Variants in SYNE1 observed in about 807,000 individuals in gnomAD.
SYNE1 encodes the protein nesprin-1.
In SYNE1, 616 loss-of-function variants were observed where a neutral mutation model predicts 1,111.0. That is an observed-to-expected ratio of 0.55 (90% CI 0.52 to 0.59). The LOEUF is 0.59. Ranked by LOEUF, SYNE1 falls within the 20% of genes least tolerant of loss-of-function variation. The pLI, the probability that SYNE1 is intolerant of heterozygous loss-of-function variation, is 0.00. For synonymous variants in SYNE1, 3,855 were observed against 3,825.8 expected (o/e 1.01, Z -0.28); for missense variants, 10,006 against 10,417.0 (o/e 0.96, Z 1.72).
chr6:152,149,071 GTATTTCTTCTAGAGGCTTCTCT>G (rs978645702), intron 136 of SYNE1, among the ~76,000 whole-genome samples: 7 of 152,094 alleles, frequency 4.6e-5, no homozygotes, highest in African/African-American at 9.7e-5. Flanking sequence ...TCCTTTTATT[GTATTTCTTCTAGAGGCTTCTCT>G]TATTTCTTCT....
At chr6:152,465,622 G>A (rs2098759886) in intron 17 of SYNE1, among the ~76,000 whole-genome samples, 162 bp from the exon 18 acceptor site, 1 of 151,962 alleles carries the variant, frequency 6.6e-6, no homozygotes, top group African/African-American at 2.4e-5. Flanking sequence ...GAAAACAAAT[G>A]TATTTTACAA....
intron 14 of SYNE1, among the ~76,000 whole-genome samples, chr6:152,482,670 T>C (rs543728020): frequency 6.6e-6 from 1 of 152,212 alleles, no homozygotes; most frequent in South Asian, 2.1e-4. Context: ...CTCCATTCCT[T>C]CTACCCCCAC....
chr6:152,405,405 A>G (rs2097882721), intron 45 of SYNE1, among the ~76,000 whole-genome samples: 2 of 152,242 alleles, frequency 1.3e-5, no homozygotes, highest in South Asian at 4.1e-4. Flanking sequence ...GTCACAGAAC[A>G]TGGAGTTGAA....
intron 51 of SYNE1, among the ~76,000 whole-genome samples, chr6:152,393,875 G>A (rs946386009): frequency 1.3e-5 from 2 of 152,158 alleles, no homozygotes; most frequent in Admixed American, 1.3e-4. Flanking sequence ...TGTGCAGAAT[G>A]TGCAGGTTTG....
chr6:152,540,057 T>C (rs755493211), intron 3 of SYNE1, 36 bp from the exon 4 acceptor site: 2 of 1,595,554 alleles, frequency 1.3e-6, no homozygotes, highest in South Asian at 1.1e-5. Context: ...AATAATGTAA[T>C]ATTTCATGAA....
At chr6:152,255,568 C>CA in intron 103 of SYNE1, 23 bp downstream of exon 103, 3 of 1,613,346 alleles carry the variant, frequency 1.9e-6, no homozygotes, top group Non-Finnish European at 2.5e-6. Context: ...TATACACACA[C>CA]AGGCAGGAAC....
At chr6:152,204,082 T>C (rs1462130988) in intron 126 of SYNE1, among the ~76,000 whole-genome samples, 3 of 152,188 alleles carry the variant, frequency 2.0e-5, no homozygotes, top group African/African-American at 7.2e-5. Context: ...GATAAGATCA[T>C]CACGGGTGCT....
In SYNE1 at chr6:152,148,390, G is replaced by A. The variant is rs1442601085; in HGVS notation, c.24643-12C>T. The A allele has an allele frequency of 1.9e-6, 3 of 1,611,748 alleles. No individual in the cohort carries two copies. Among genetic ancestry groups the A allele is most frequent in the Non-Finnish European group, 1.7e-6 (2 of 1,179,190 alleles). ...TCATCGTCTGGGAGCTAGAAGGGAA[G>A]TCAAGGCAACCCTGTCACTGTAGTG... On this transcript the variant is annotated splice_polypyrimidine_tract_variant and intron_variant, in intron 136 of 145. Transcript: ENST00000367255. This position sits in a 1 kb window ranked among gnomAD's most constrained non-coding sequence, Gnocchi z 4.1.
chr6:152,613,648 A>G (rs1295975109), intron 3 of SYNE1, among the ~76,000 whole-genome samples: 1 of 152,336 alleles, frequency 6.6e-6, no homozygotes, highest in Non-Finnish European at 1.5e-5. Context: ...TAAAGTTTAT[A>G]TGGAACCAAA....
intron 3 of SYNE1, among the ~76,000 whole-genome samples, chr6:152,599,920 A>C (rs1372926095): frequency 6.6e-6 from 1 of 152,238 alleles, no homozygotes; most frequent in East Asian, 1.9e-4. Flanking sequence ...GAAATGTAGA[A>C]GATGAGGTAA....
intron 3 of SYNE1, among the ~76,000 whole-genome samples, chr6:152,585,691 T>C (rs144827908): frequency 2.0e-4 from 31 of 152,296 alleles, no homozygotes; most frequent in African/African-American, 6.7e-4. Context: ...GTTCTGGGTT[T>C]CTGACAAGCT....
intron 13 of SYNE1, among the ~76,000 whole-genome samples, chr6:152,484,058 A>AAAAAAAAAAAAAAAAAAAAG (rs1471895241): frequency 6.6e-6 from 1 of 150,648 alleles, no homozygotes; most frequent in Non-Finnish European, 1.5e-5. Context: ...AAAAAAAAAA[A>AAAAAAAAAAAAAAAAAAAAG]AAAATTAGCC....
At position 152,498,670 on chromosome 6, in the gene SYNE1, G is replaced by A. The variant is rs371894610; in HGVS notation, c.939+72C>T. 2.6e-4 allele frequency: 272 copies of A among 1,061,440 alleles called. 2 individuals carry two copies. Among genetic ancestry groups the A allele is most frequent in the Non-Finnish European group, 3.5e-4 (256 of 721,162 alleles). The allele number at this position is 1,061,440 out of a possible 1,614,324, so 65.8% of individuals were successfully genotyped here. On this transcript the variant is annotated intron_variant, in intron 11 of 145. Coordinates refer to ENST00000367255, the MANE Select transcript of SYNE1 (RefSeq NM_182961.4). ...ATACATAAAGACAAAAACATGCAAG[G>A]GAATGACTAAAATGCTACAGAATGC...
chr6:152,478,565 A>G (rs1297716164), intron 14 of SYNE1: 1 of 152,256 alleles, frequency 6.6e-6, no homozygotes, highest in Non-Finnish European at 1.5e-5. Flanking sequence ...CACAGATGCA[A>G]TTGCGTAGGT....
At chr6:152,415,497 C>T (rs1170178778) in intron 41 of SYNE1, among the ~76,000 whole-genome samples, 1 of 152,108 alleles carries the variant, frequency 6.6e-6, no homozygotes, top group East Asian at 1.9e-4. Flanking sequence ...AACATCTGCC[C>T]TCTCCTCTGA....
chr6:152,161,314 C>T (rs765824697), intron 131 of SYNE1, among the ~76,000 whole-genome samples: 19 of 146,788 alleles, frequency 1.3e-4, no homozygotes, highest in South Asian at 4.3e-4. Context: ...TTTCTCCTCT[C>T]TATTTTCTTT....
intron 66 of SYNE1, 76 bp from the exon 67 acceptor site, chr6:152,355,052 C>A: frequency 2.0e-6 from 3 of 1,513,890 alleles, no homozygotes; most frequent in Non-Finnish European, 1.8e-6. Context: ...TTGCCCAAGC[C>A]AACTGTGCCC....
chr6:152,271,349 G>T (rs964387073), intron 98 of SYNE1, among the ~76,000 whole-genome samples: 4 of 152,152 alleles, frequency 2.6e-5, no homozygotes, highest in African/African-American at 9.7e-5. Flanking sequence ...GTAGGTAATA[G>T]TATATAAAAC....
At chr6:152,612,916 A>T (rs184713386) in intron 3 of SYNE1, among the ~76,000 whole-genome samples, 1 of 152,332 alleles carries the variant, frequency 6.6e-6, no homozygotes, top group East Asian at 1.9e-4. Flanking sequence ...ATCTCAATAG[A>T]TGCAGAAAAG....
Sources: allele counts gnomAD v4.1 joint callset (sites outside exome capture counted in the v4.1 genomes callset), GRCh38; gene constraint gnomAD v4.1.1; non-coding constraint Gnocchi (gnomAD v3.1); transcripts MANE v1.5; gene names NCBI Gene and HGNC (gene_info 2026-07-23, HGNC 2026-07-21).